Variants in EYS observed in about 807,000 individuals in gnomAD.
EYS encodes EGF-like photoreceptor maintenance factor.
In EYS, 250 loss-of-function variants were observed where a neutral mutation model predicts 282.1. That is an observed-to-expected ratio of 0.89 (90% CI 0.80 to 0.98). EYS has a LOEUF of 0.98. Among genes scored for constraint, EYS ranks in the 50% least tolerant of loss-of-function variants. EYS has a pLI of 0.00. For synonymous variants in EYS, 1,355 were observed against 1,282.9 expected (o/e 1.06, Z -1.20); for missense variants, 4,016 against 3,709.0 (o/e 1.08, Z -2.15).
chr6:64,977,879 G>C (rs1770523810), intron 14 of EYS, among the ~76,000 whole-genome samples: 1 of 151,912 alleles, frequency 6.6e-6, no homozygotes, highest in African/African-American at 2.4e-5. Context: ...AAGGCTGAGA[G>C]AGGTGTCAAA....
intron 19 of EYS, among the ~76,000 whole-genome samples, chr6:64,830,825 CA>C (rs1364465921): frequency 1.3e-4 from 19 of 151,960 alleles, no homozygotes; most frequent in Admixed American, 3.3e-4. Context: ...GGTCCCCATT[CA>C]GAACAGCAAC....
chr6:64,398,795 C>T (rs113090314), intron 28 of EYS, among the ~76,000 whole-genome samples: 2 of 151,834 alleles, frequency 1.3e-5, no homozygotes, highest in African/African-American at 4.8e-5. Flanking sequence ...ATAAAGAAAG[C>T]TTTGACAATT....
chr6:65,280,440 G>C (rs531647547), intron 12 of EYS, among the ~76,000 whole-genome samples: 1 of 152,210 alleles, frequency 6.6e-6, no homozygotes, highest in South Asian at 2.1e-4. Flanking sequence ...GAGGCACTTG[G>C]AAATTATTAA....
intron 41 of EYS, among the ~76,000 whole-genome samples, chr6:63,727,050 AAGAT>A (rs774055632): frequency 2.0e-5 from 3 of 152,232 alleles, no homozygotes; most frequent in Non-Finnish European, 4.4e-5. Flanking sequence ...CAAATGTTGG[AAGAT>A]AGAGGACAAC....
chr6:65,535,038 C>T (rs190506243), intron 2 of EYS, among the ~76,000 whole-genome samples: 5 of 152,152 alleles, frequency 3.3e-5, no homozygotes, highest in African/African-American at 1.2e-4. Flanking sequence ...AAAACAAAAG[C>T]AATAGGAGAT....
intron 12 of EYS, among the ~76,000 whole-genome samples, chr6:65,195,997 A>G (rs530756427): frequency 4.6e-5 from 7 of 152,220 alleles, no homozygotes; most frequent in Admixed American, 1.3e-4. Flanking sequence ...CATTATTTCA[A>G]CCTTCAGTGG....
At chr6:65,018,127 C>T (rs1772115498) in intron 13 of EYS, among the ~76,000 whole-genome samples, 1 of 152,168 alleles carries the variant, frequency 6.6e-6, no homozygotes, top group African/African-American at 2.4e-5. Context: ...AAAAAACACA[C>T]TGCATTCTCA....
At chr6:63,767,503 A>T (rs898415028) in intron 40 of EYS, among the ~76,000 whole-genome samples, 1 of 152,086 alleles carries the variant, frequency 6.6e-6, no homozygotes, top group Admixed American at 6.6e-5. Flanking sequence ...AGAATAAAGT[A>T]CCTAGGAATA....
At chr6:63,925,679 T>TA (rs1764695579) in intron 35 of EYS, among the ~76,000 whole-genome samples, 1 of 152,248 alleles carries the variant, frequency 6.6e-6, no homozygotes, top group African/African-American at 2.4e-5. Flanking sequence ...AGTCTCGCTC[T>TA]ATAGCCCAGG....
intron 37 of EYS, among the ~76,000 whole-genome samples, chr6:63,793,777 A>G (rs1770575296): frequency 6.6e-6 from 1 of 152,204 alleles, no homozygotes; most frequent in Admixed American, 6.5e-5. Flanking sequence ...CCCACAAATT[A>G]TGTAGCTGTC....
At chr6:63,814,919 GATAAA>G (rs1395639134) in intron 36 of EYS, among the ~76,000 whole-genome samples, 3 of 152,204 alleles carry the variant, frequency 2.0e-5, no homozygotes, top group East Asian at 1.9e-4. Context: ...AGTTTATTGT[GATAAA>G]ATAAGATTCC....
chr6:64,107,614 A>T (rs957303820), intron 31 of EYS, among the ~76,000 whole-genome samples: 1 of 152,010 alleles, frequency 6.6e-6, no homozygotes, highest in African/African-American at 2.4e-5. Flanking sequence ...CTCCTTTGGC[A>T]GCACCTTCAC....
At chr6:64,165,682 A>C (rs1329667122) in intron 31 of EYS, among the ~76,000 whole-genome samples, 3 of 152,166 alleles carry the variant, frequency 2.0e-5, no homozygotes, top group Non-Finnish European at 4.4e-5. Flanking sequence ...AACTCTGGCA[A>C]TTTAACAGGT....
intron 13 of EYS, among the ~76,000 whole-genome samples, chr6:65,013,275 T>C (rs1485650511): frequency 6.6e-6 from 1 of 152,192 alleles, no homozygotes; most frequent in Non-Finnish European, 1.5e-5. Flanking sequence ...AAAATACTCA[T>C]GATATTTTCT....
At chr6:64,907,947 G>A (rs1767881386) in intron 16 of EYS, among the ~76,000 whole-genome samples, 1 of 152,174 alleles carries the variant, frequency 6.6e-6, no homozygotes, top group Admixed American at 6.5e-5. Flanking sequence ...AGGGAAGAGA[G>A]TGGTTTAATG....
At chr6:65,586,748 C>A (rs1056180180) in intron 2 of EYS, among the ~76,000 whole-genome samples, 1 of 151,944 alleles carries the variant, frequency 6.6e-6, no homozygotes, top group South Asian at 2.1e-4. Flanking sequence ...AAAAAATAAA[C>A]CCATTGACAT....
chr6:64,287,524 A>C (rs1390065524), intron 30 of EYS, among the ~76,000 whole-genome samples: 1 of 152,150 alleles, frequency 6.6e-6, no homozygotes, highest in African/African-American at 2.4e-5. Flanking sequence ...GATAATATCT[A>C]GCAAGTGGCT....
chr6:65,166,741 A>C (rs1017319984), intron 12 of EYS, among the ~76,000 whole-genome samples: 1 of 151,166 alleles, frequency 6.6e-6, no homozygotes, highest in African/African-American at 2.4e-5. Flanking sequence ...ACCATCAGAA[A>C]AGTGTAAAGA....
chr6:65,592,549 A>G (rs527980541), intron 2 of EYS, among the ~76,000 whole-genome samples: 5 of 152,114 alleles, frequency 3.3e-5, no homozygotes, highest in African/African-American at 1.2e-4. Flanking sequence ...TAAGTGATTG[A>G]CATATGCTAT....
Sources: gnomAD v4.1 joint callset for allele counts (sites outside exome capture counted in the v4.1 genomes callset) on GRCh38, gnomAD v4.1.1 for gene constraint, MANE v1.5 for transcripts, NCBI Gene and HGNC (gene_info 2026-07-23, HGNC 2026-07-21) for gene names.